NRXN3: variants seen among roughly 807,000 people sequenced by gnomAD.
NRXN3 encodes the protein neurexin III.
Under a neutral mutation model 137.6 loss-of-function variants are expected in NRXN3, and 32 were observed. The observed-to-expected ratio is 0.23, with a 90% CI of 0.18 to 0.31. The LOEUF (loss-of-function observed/expected upper bound fraction) is 0.31, where lower values mean the gene tolerates loss of function less well. Ranked by LOEUF, NRXN3 falls within the 10% of genes least tolerant of loss-of-function variation. The pLI is 1.00. For missense variants in NRXN3, 1,574 were observed against 2,062.5 expected (o/e 0.76, Z 4.59); for synonymous variants, 798 against 784.5 (o/e 1.02, Z -0.29).
chr14:78,561,667 A>G (rs1263128138), intron 4 of NRXN3, among the ~76,000 whole-genome samples: 1 of 152,144 alleles, frequency 6.6e-6, no homozygotes, highest in African/African-American at 2.4e-5. Flanking sequence ...GTCCTACTCT[A>G]CCTCGAACAC....
Position 78,957,480 on chromosome 14 carries a change from T to C in NRXN3, c.2395+119T>C, listed in dbSNP as rs1372336565. 7 of 1,215,974 alleles carry C rather than the reference T, an allele frequency of 5.8e-6. No individual in the cohort carries two copies. The Admixed American group carries it at 1.7e-4, about 30-fold the overall frequency. The allele number at this position is 1,215,974 out of a possible 1,614,324, so 75.3% of individuals were successfully genotyped here. A position where few individuals can be genotyped will look rare whatever the true frequency, so the allele number is the denominator to read the frequency against. ...GCATAGTAGAAGTCACAAATCATGTTTTCTGTTGACAAACTCAGGCAAGGC... is the reference window on the plus strand; with the variant it reads ...GCATAGTAGAAGTCACAAATCATGTCTTCTGTTGACAAACTCAGGCAAGGC... On this transcript the variant is annotated intron_variant, in intron 11 of 20. Coordinates refer to ENST00000335750, the MANE Select transcript of NRXN3 (RefSeq NM_001330195.2).
At chr14:79,588,687 T>C (rs1173897690) in intron 16 of NRXN3, among the ~76,000 whole-genome samples, 1 of 152,164 alleles carries the variant, frequency 6.6e-6, no homozygotes, top group African/African-American at 2.4e-5. Context: ...ATGGCTTAAG[T>C]GGGTAACAAA....
chr14:78,900,708 A>G (rs2099193191), intron 10 of NRXN3, among the ~76,000 whole-genome samples: 1 of 152,038 alleles, frequency 6.6e-6, no homozygotes, highest in African/African-American at 2.4e-5. Flanking sequence ...TAAAAATAAA[A>G]ATACCATGTC....
At chr14:78,923,109 A>G (rs1312555898) in intron 10 of NRXN3, among the ~76,000 whole-genome samples, 2 of 152,086 alleles carry the variant, frequency 1.3e-5, no homozygotes, top group Non-Finnish European at 2.9e-5. Flanking sequence ...TTCTCTGAGG[A>G]TCTCTTCAAA....
intron 4 of NRXN3, among the ~76,000 whole-genome samples, chr14:78,428,969 AAATT>A (rs2093767719): frequency 2.0e-5 from 3 of 152,104 alleles, no homozygotes; most frequent in African/African-American, 7.2e-5. Context: ...TTTGCACCTA[AAATT>A]AATCATTTTA....
chr14:78,936,552 G>A (rs544524922), intron 10 of NRXN3, among the ~76,000 whole-genome samples: 1 of 152,172 alleles, frequency 6.6e-6, no homozygotes, highest in Non-Finnish European at 1.5e-5. Context: ...AGTACAAAGA[G>A]CCATGAGAAA....
At chr14:78,504,709 C>G (rs2095949062) in intron 4 of NRXN3, among the ~76,000 whole-genome samples, 1 of 152,044 alleles carries the variant, frequency 6.6e-6, no homozygotes, top group South Asian at 2.1e-4. Flanking sequence ...CATATGAGTC[C>G]TTTGATATGA....
At chr14:78,432,124 G>C (rs2093904437) in intron 4 of NRXN3, among the ~76,000 whole-genome samples, 4 of 152,128 alleles carry the variant, frequency 2.6e-5, no homozygotes. Context: ...GGAATAATTT[G>C]AAATAAAATG....
chr14:78,634,249 G>T lies in NRXN3; in HGVS notation c.758-10871G>T, dbSNP rs532474255. On this transcript the variant is annotated intron_variant, in intron 4 of 20. Coordinates refer to ENST00000335750, the MANE Select transcript of NRXN3 (RefSeq NM_001330195.2). ...AGGCTGAACTCTGATGCCAACGCAC[G>T]GAGCAGTGGGTCTCCAGAAAGAGCG... Among the ~76,000 whole-genome samples, 8 of 152,316 alleles carry T rather than the reference G, an allele frequency of 5.3e-5. No homozygotes were observed. The East Asian group carries it at 1.5e-3, about 29-fold the overall frequency.
At chr14:79,096,654 C>G (rs1316030727) in intron 15 of NRXN3, among the ~76,000 whole-genome samples, 1 of 152,046 alleles carries the variant, frequency 6.6e-6, no homozygotes, top group Non-Finnish European at 1.5e-5. Flanking sequence ...ATACTTGGCT[C>G]TCACCAGCAT....
Position 79,378,975 on chromosome 14 carries a change from A to G in NRXN3, c.3263-88246A>G, listed in dbSNP as rs995812511. ...TTGTTTTGGATTGATTGTAGGGACT[A>G]AAGAAGTACTTCATACGTTGTGTTA... On this transcript the variant is annotated intron_variant, in intron 15 of 20. Transcript: ENST00000335750. Among the ~76,000 whole-genome samples, 6 of 151,994 alleles carry G rather than the reference A, an allele frequency of 3.9e-5. No homozygotes were observed. In the East Asian group the frequency reaches 1.2e-3, roughly 29 times the overall value.
At chr14:78,313,250 G>T (rs891767625) in intron 4 of NRXN3, among the ~76,000 whole-genome samples, 1 of 152,174 alleles carries the variant, frequency 6.6e-6, no homozygotes, top group Non-Finnish European at 1.5e-5. Context: ...CAACCTGATA[G>T]TTGGAAGACT....
chr14:78,486,911 G>C (rs2095568846), intron 4 of NRXN3, among the ~76,000 whole-genome samples: 1 of 152,100 alleles, frequency 6.6e-6, no homozygotes, highest in Non-Finnish European at 1.5e-5. Flanking sequence ...AGATGTAAAG[G>C]ACTTCTGTGT....
chr14:79,100,630 T>C (rs541376000), intron 15 of NRXN3, among the ~76,000 whole-genome samples: 30 of 152,336 alleles, frequency 2.0e-4, no homozygotes, highest in African/African-American at 6.3e-4. Flanking sequence ...GGTTATTTCT[T>C]GGTCTGCAGA....
chr14:78,885,755 T>C (rs994305300), intron 10 of NRXN3, among the ~76,000 whole-genome samples: 2 of 152,098 alleles, frequency 1.3e-5, no homozygotes, highest in African/African-American at 4.8e-5. Flanking sequence ...ATTTTAAAAG[T>C]GAATTTATAA....
At chr14:79,656,371 C>T (rs1371364316) in intron 16 of NRXN3, among the ~76,000 whole-genome samples, 1 of 152,152 alleles carries the variant, frequency 6.6e-6, no homozygotes, top group Non-Finnish European at 1.5e-5. Flanking sequence ...GTTTGCCTTG[C>T]AGTCAAACTT....
chr14:78,823,962 C>T (rs990994666), intron 10 of NRXN3, among the ~76,000 whole-genome samples: 20 of 152,006 alleles, frequency 1.3e-4, no homozygotes, highest in African/African-American at 4.8e-4. Context: ...AAAACTGGTC[C>T]AGAGATGGTG....
At chr14:78,570,153 A>G (rs1275415982) in intron 4 of NRXN3, among the ~76,000 whole-genome samples, 2 of 152,202 alleles carry the variant, frequency 1.3e-5, no homozygotes, top group East Asian at 3.8e-4. Flanking sequence ...ATATTAGGAG[A>G]TAGAGCCTTT....
intron 20 of NRXN3, among the ~76,000 whole-genome samples, chr14:79,817,433 T>C (rs2099255189): frequency 6.6e-6 from 1 of 152,198 alleles, no homozygotes; most frequent in African/African-American, 2.4e-5. Context: ...CTTTCTCCTA[T>C]AGGTTTGCCA....
Sources: gnomAD v4.1 joint callset for allele counts (sites outside exome capture counted in the v4.1 genomes callset) on GRCh38, gnomAD v4.1.1 for gene constraint, MANE v1.5 for transcripts, NCBI Gene and HGNC (gene_info 2026-07-23, HGNC 2026-07-21) for gene names.